The following L3MBTL4 variants were observed in gnomAD, a reference collection of about 807,000 sequenced individuals.
L3MBTL4 encodes L3MBTL histone methyl-lysine binding protein 4.
Under a neutral mutation model 84.5 loss-of-function variants are expected in L3MBTL4, and 70 were observed. The ratio of observed to expected loss-of-function variants is 0.83; its 90% CI spans 0.68 to 1.01. The LOEUF (loss-of-function observed/expected upper bound fraction) is 1.01, where lower values mean the gene tolerates loss of function less well. Among genes scored for constraint, L3MBTL4 ranks in the 50% least tolerant of loss-of-function variants. L3MBTL4 has a pLI of 0.00. For synonymous variants in L3MBTL4, 274 were observed against 259.8 expected (o/e 1.05, Z -0.52); for missense variants, 715 against 754.8 (o/e 0.95, Z 0.62).
intron 1 of L3MBTL4, among the ~76,000 whole-genome samples, chr18:6,394,012 C>T (rs372051570): frequency 1.3e-5 from 2 of 151,606 alleles, no homozygotes; most frequent in South Asian, 2.1e-4. Flanking sequence ...CAGGTCCATT[C>T]GAGCTGCTCC....
chr18:6,327,377 G>A (rs1206187930), intron 1 of L3MBTL4, among the ~76,000 whole-genome samples: 1 of 152,088 alleles, frequency 6.6e-6, no homozygotes, highest in Non-Finnish European at 1.5e-5. Flanking sequence ...CCATCAGTAG[G>A]AAAATGAATA....
At chr18:6,145,346 T>C (rs1037683481) in intron 13 of L3MBTL4, among the ~76,000 whole-genome samples, 1 of 152,210 alleles carries the variant, frequency 6.6e-6, no homozygotes, top group African/African-American at 2.4e-5. Context: ...TCTAAGAATG[T>C]ACTCTCTTCT....
intron 14 of L3MBTL4, among the ~76,000 whole-genome samples, chr18:6,132,839 G>T (rs1021900295): frequency 5.9e-5 from 9 of 152,122 alleles, no homozygotes; most frequent in African/African-American, 2.2e-4. Flanking sequence ...GAATCTAGTA[G>T]GGAGAGGTCA....
At chr18:6,229,124 T>A (rs1354270952) in intron 10 of L3MBTL4, among the ~76,000 whole-genome samples, 1 of 152,168 alleles carries the variant, frequency 6.6e-6, no homozygotes, top group Non-Finnish European at 1.5e-5. Flanking sequence ...GAAGTTAGTG[T>A]TCGTGTGAAT....
At chr18:6,320,714 T>C (rs1012411836) in intron 1 of L3MBTL4, among the ~76,000 whole-genome samples, 1 of 152,090 alleles carries the variant, frequency 6.6e-6, no homozygotes, top group Non-Finnish European at 1.5e-5. Flanking sequence ...AATACCAACA[T>C]TATTTTTCAC....
At chr18:6,303,231 T>G (rs776779001) in intron 3 of L3MBTL4, among the ~76,000 whole-genome samples, 1 of 152,032 alleles carries the variant, frequency 6.6e-6, no homozygotes, top group Non-Finnish European at 1.5e-5. Flanking sequence ...GTTCAAGTGA[T>G]TCTCCTGCCT....
chr18:6,338,975 T>C (rs1411953652), intron 1 of L3MBTL4, among the ~76,000 whole-genome samples: 3 of 152,182 alleles, frequency 2.0e-5, no homozygotes, highest in East Asian at 3.9e-4. Flanking sequence ...TCTATTACTG[T>C]GTACTCATTA....
intron 16 of L3MBTL4, among the ~76,000 whole-genome samples, chr18:6,012,993 G>A (rs139708736): frequency 1.3e-4 from 20 of 152,190 alleles, no homozygotes; most frequent in African/African-American, 4.3e-4. Context: ...GGTCCCCATC[G>A]CAGCACAGTT....
intron 12 of L3MBTL4, among the ~76,000 whole-genome samples, chr18:6,189,464 ACTGCAGTCTCTTTGGCTC>A (rs2044955061): frequency 6.6e-6 from 1 of 152,204 alleles, no homozygotes; most frequent in Non-Finnish European, 1.5e-5. Flanking sequence ...AACAATGCCT[ACTGCAGTCTCTTTGGCTC>A]TTTTATTCAC....
At chr18:6,223,786 T>C (rs2046662013) in intron 10 of L3MBTL4, among the ~76,000 whole-genome samples, 1 of 152,202 alleles carries the variant, frequency 6.6e-6, no homozygotes, top group Non-Finnish European at 1.5e-5. Context: ...TCAGCTTCTT[T>C]CTATTCTCCG....
chr18:6,082,406 T>G (rs1412637618), intron 15 of L3MBTL4: 2 of 152,096 alleles, frequency 1.3e-5, no homozygotes, highest in Non-Finnish European at 2.9e-5. Flanking sequence ...GCAGTGAGTA[T>G]CTGGTAGAGA....
In L3MBTL4 at chr18:6,414,601, G is replaced by A. The variant is rs2056116677; in HGVS notation, c.-91+200C>T. On this transcript the variant is annotated intron_variant, in intron 1 of 18. Transcript: ENST00000317931. The surrounding 1 kb of genome is among the most constrained non-coding windows in gnomAD (Gnocchi z 5.4). Reference sequence around the variant, plus strand: ...CGGGGAGCCCGGCGCGCGCCCCGGCGGCGAAAGAGAAAGAGAAAGAGCCTG... The same window carrying A: ...CGGGGAGCCCGGCGCGCGCCCCGGCAGCGAAAGAGAAAGAGAAAGAGCCTG... 6.6e-6 allele frequency: 1 copy of A among 152,026 alleles called. No individual in the cohort carries two copies. The highest frequency in any genetic ancestry group is 1.5e-5 in the Non-Finnish European group (1 of 68,026). The allele number at this position is 152,026 out of a possible 1,614,324, so 9.4% of individuals were successfully genotyped here. A position where few individuals can be genotyped will look rare whatever the true frequency, so the allele number is the denominator to read the frequency against.
chr18:6,352,835 AT>A (rs1404700814), intron 1 of L3MBTL4, among the ~76,000 whole-genome samples: 1 of 152,180 alleles, frequency 6.6e-6, no homozygotes, highest in Non-Finnish European at 1.5e-5. Flanking sequence ...GAAAAGAGAC[AT>A]TTTTCAGGAA....
At chr18:6,354,938 A>G (rs1463167203) in intron 1 of L3MBTL4, among the ~76,000 whole-genome samples, 1 of 152,210 alleles carries the variant, frequency 6.6e-6, no homozygotes, top group Non-Finnish European at 1.5e-5. Context: ...CTGGGTATAT[A>G]CCCAAAAGAA....
At chr18:6,037,123 GCAGT>G (rs1399175137) in intron 16 of L3MBTL4, among the ~76,000 whole-genome samples, 5 of 152,270 alleles carry the variant, frequency 3.3e-5, no homozygotes, top group Non-Finnish European at 5.9e-5. Context: ...GCAGCAATCA[GCAGT>G]CAGAGCACAG....
intron 16 of L3MBTL4, among the ~76,000 whole-genome samples, chr18:6,068,757 T>C (rs2057481212): frequency 6.6e-6 from 1 of 152,232 alleles, no homozygotes; most frequent in Admixed American, 6.5e-5. Context: ...TCAGAGATGC[T>C]GCCTGATTGT....
intron 1 of L3MBTL4, among the ~76,000 whole-genome samples, chr18:6,349,598 T>G (rs191755692): frequency 6.6e-6 from 1 of 152,224 alleles, no homozygotes; most frequent in African/African-American, 2.4e-5. Flanking sequence ...TGTGGTGGCA[T>G]GCACCTAGCT....
chr18:6,230,529 G>A (rs908178492), intron 10 of L3MBTL4, among the ~76,000 whole-genome samples: 19 of 152,246 alleles, frequency 1.2e-4, no homozygotes, highest in East Asian at 3.9e-4. Context: ...TGTGAATAGC[G>A]CTGAGATGAG....
At chr18:6,208,379 G>T (rs897803462) in intron 12 of L3MBTL4, among the ~76,000 whole-genome samples, 1 of 152,184 alleles carries the variant, frequency 6.6e-6, no homozygotes, top group East Asian at 1.9e-4. Flanking sequence ...TCTTGGTCAT[G>T]ATGCTCTAAT....
Sources: gnomAD v4.1 joint callset for allele counts (sites outside exome capture counted in the v4.1 genomes callset) on GRCh38, gnomAD v4.1.1 for gene constraint, Gnocchi (gnomAD v3.1) non-coding constraint, MANE v1.5 for transcripts, NCBI Gene and HGNC (gene_info 2026-07-23, HGNC 2026-07-21) for gene names.